ADAMTS13: variants seen among roughly 807,000 people sequenced by gnomAD.
ADAMTS13 encodes the protein ADAM metallopeptidase with thrombospondin type 1 motif 13.
ADAMTS13 carries 110 observed loss-of-function variants against 155.1 expected under a neutral mutation model. That is an observed-to-expected ratio of 0.71 (90% CI 0.61 to 0.83). ADAMTS13 has a LOEUF of 0.83. ADAMTS13 is among the 40% of genes least tolerant of loss of function. The pLI, the probability that ADAMTS13 is intolerant of heterozygous loss-of-function variation, is 0.00. For missense variants in ADAMTS13, 1,707 were observed against 1,891.7 expected, an observed-to-expected ratio of 0.90 and a Z score of 1.81; for synonymous variants, 758 against 756.4, an observed-to-expected ratio of 1.00 and a Z score of -0.03.
At chr9:133,418,133 G>A (rs1554782195), upstream of ADAMTS13, 4 of 460,656 alleles carry the variant, frequency 8.7e-6, no homozygotes, top group Admixed American at 1.2e-4. Flanking sequence ...TTGGGCCGCC[G>A]CCTTAGCCAG....
intron 1 of ADAMTS13, among the ~76,000 whole-genome samples, chr9:133,415,253 C>T (rs1377890112): frequency 1.3e-5 from 2 of 152,146 alleles, no homozygotes; most frequent in Admixed American, 6.5e-5. Context: ...TTTGCACCTG[C>T]TCCTTCATGC....
chr9:133,421,818 C>G (rs1471543116), upstream of ADAMTS13, among the ~76,000 whole-genome samples: 1 of 152,130 alleles, frequency 6.6e-6, no homozygotes, highest in Non-Finnish European at 1.5e-5. Context: ...CCCTGCTGGT[C>G]ATCAGCTTGT....
chr9:133,455,017 C>T (rs1406946357), intron 24 of ADAMTS13, among the ~76,000 whole-genome samples: 6 of 152,118 alleles, frequency 3.9e-5, no homozygotes, highest in Admixed American at 1.3e-4. Flanking sequence ...GCCGCAGCCC[C>T]GCAGACCTGC....
At chr9:133,414,389 C>T (rs188462603) in exon 1 of ADAMTS13, 2 of 647,026 alleles carry the variant, frequency 3.1e-6, no homozygotes, top group South Asian at 3.0e-5. Context: ...AGGCCTCATA[C>T]TTGGGTCTTT....
intron 8 of ADAMTS13, among the ~76,000 whole-genome samples, chr9:133,430,691 TC>T (rs1346687093): frequency 1.4e-5 from 2 of 139,836 alleles, no homozygotes; most frequent in Admixed American, 7.5e-5. Flanking sequence ...TCTTTTTTTT[TC>T]CTATTTTTTT....
intron 1 of ADAMTS13, among the ~76,000 whole-genome samples, chr9:133,415,166 T>C (rs934820066): frequency 6.6e-6 from 1 of 152,230 alleles, no homozygotes; most frequent in Non-Finnish European, 1.5e-5. Context: ...TCAAACGGTT[T>C]GGAAAAAGCT....
intron 24 of ADAMTS13, 96 bp downstream of exon 24, chr9:133,454,715 C>T (rs764896109): frequency 1.5e-4 from 215 of 1,411,436 alleles, no homozygotes; most frequent in Middle Eastern, 2.4e-4. Flanking sequence ...ATTGGCTCAT[C>T]GTGTCCCCTG....
chr9:133,432,157 C>T (rs909661453), intron 8 of ADAMTS13, among the ~76,000 whole-genome samples: 1 of 151,986 alleles, frequency 6.6e-6, no homozygotes, highest in Non-Finnish European at 1.5e-5. Flanking sequence ...CCCAGCTACT[C>T]GGAAGGCTGA....
At position 133,456,913 on chromosome 9, in the gene ADAMTS13, T is replaced by C. The variant is rs1403547664; in HGVS notation, c.3724+194T>C. ...GGGAGGGGTCACAGGATGAATGCTATATCCCTCCTTTTTGGGACCGTGCAG... is the reference window on the plus strand; with the variant it reads ...GGGAGGGGTCACAGGATGAATGCTACATCCCTCCTTTTTGGGACCGTGCAG... On this transcript the variant is annotated intron_variant, in intron 27 of 28. Transcript: ENST00000355699. This position sits in a 1 kb window ranked among gnomAD's most constrained non-coding sequence, Gnocchi z 4.4. 2.7e-6 allele frequency: 2 copies of C among 738,988 alleles called. No individual in the cohort carries two copies. The highest frequency in any genetic ancestry group is 5.4e-5 in the East Asian group (2 of 37,060). 45.8% of individuals were successfully genotyped at this position (738,988 alleles called of 1,614,324 possible).
At chr9:133,420,266 C>T (rs1839902285), upstream of ADAMTS13, among the ~76,000 whole-genome samples, 2 of 152,274 alleles carry the variant, frequency 1.3e-5, no homozygotes, top group African/African-American at 2.4e-5. Context: ...ATCTCGAACT[C>T]CTGACCTCAT....
chr9:133,439,191 T>C (rs1554789976), intron 14 of ADAMTS13, among the ~76,000 whole-genome samples, 175 bp from the exon 15 acceptor site: 1 of 152,180 alleles, frequency 6.6e-6, no homozygotes, highest in Admixed American at 6.5e-5. Context: ...GGCAGAGCCT[T>C]GGCAGGTGGT....
Position 133,428,719 on chromosome 9 carries a change from G to A in ADAMTS13, c.772G>A (p.Ala258Thr). 7.4e-7 allele frequency: 1 copy of A among 1,349,994 alleles called. No individual in the cohort carries two copies. The highest frequency in any genetic ancestry group is 9.5e-7 in the Non-Finnish European group (1 of 1,049,248). The allele number at this position is 1,349,994 out of a possible 1,614,324, so 83.6% of individuals were successfully genotyped here. A position where few individuals can be genotyped will look rare whatever the true frequency, so the allele number is the denominator to read the frequency against. ...GGCTTCGGACGGCGCCGCGCCCCGC[G>A]CCGGCCTCGCCTGGTCCCCCTGCAG... The part of the protein sequence containing the change: ...VMASDGAAPR[A>T]GLAWSPCSRR... The change falls in exon 7 of 29, where the codon GCC (alanine) becomes ACC (threonine). Residue 258 changes from alanine to threonine, a missense_variant. Physicochemically the swap from Ala to Thr is moderately conservative, Grantham distance 58. Around this residue, in one of 3 missense-constraint regions of ADAMTS13, gnomAD observed 733 missense variants for 749.6 expected, o/e 0.98. Coordinates refer to ENST00000355699, the MANE Select transcript of ADAMTS13 (RefSeq NM_139027.6).
intron 9 of ADAMTS13, 151 bp downstream of exon 9, chr9:133,432,843 G>A (rs1399714547): frequency 2.5e-6 from 2 of 798,310 alleles, no homozygotes; most frequent in African/African-American, 1.7e-5. Context: ...TGGGTTGGTG[G>A]TCTGACCTCT....
At chr9:133,458,236 C>T (rs1842859636) in intron 28 of ADAMTS13, 142 bp downstream of exon 28, 11 of 1,019,638 alleles carry the variant, frequency 1.1e-5, no homozygotes, top group Non-Finnish European at 1.6e-5. Context: ...TAGCTTCCTC[C>T]ACATATTCAC....
Position 133,425,982 on chromosome 9 carries a change from C to A in ADAMTS13, c.459C>A (p.Ser153Arg). 2 of 1,613,960 alleles carry A rather than the reference C, an allele frequency of 1.2e-6. No individual in the cohort carries two copies. The highest frequency in any genetic ancestry group is 2.2e-5 in the East Asian group (1 of 44,872). ...ITANLTSSLL[S>R]VCGWSQTINP... ...CCAACCTCACCTCGTCCCTGCTGAG[C>A]GTCTGTGGGTGGAGCCAGACCATCA... The change falls in exon 5 of 29, where the codon AGC becomes AGA. Residue 153 changes from serine (S) to arginine (R), a missense_variant. This residue lies in a region of ADAMTS13 where 733 missense variants were observed against 749.6 expected (regional missense o/e 0.98). Transcript: ENST00000355699. The surrounding 1 kb of genome is among the most constrained non-coding windows in gnomAD (Gnocchi z 4.6).
chr9:133,443,894 C>T (rs587709533), intron 19 of ADAMTS13, among the ~76,000 whole-genome samples: 27 of 152,224 alleles, frequency 1.8e-4, no homozygotes, highest in African/African-American at 6.0e-4. Context: ...CACCATCTCC[C>T]CCGTGCCCAC....
In ADAMTS13 at chr9:133,428,664, C is replaced by T. The variant is rs1554785887; in HGVS notation, c.717C>T (p.Gly239=). The change falls in exon 7 of 29, where the codon GGC becomes GGT. Residue 239 remains glycine, a synonymous_variant. Transcript: ENST00000355699. ...GCCTGGAGCACGACGGCGCGCCCGG[C>T]AGCGGCTGCGGCCCCAGCGGACACG... The part of the protein sequence containing the change: ...SFGLEHDGAP[G]SGCGPSGHVM... The T allele has an allele frequency of 1.3e-5, 18 of 1,357,264 alleles. No homozygotes were observed. Among genetic ancestry groups the T allele is most frequent in the Non-Finnish European group, 1.6e-5 (17 of 1,051,152 alleles). 84.1% of individuals were successfully genotyped at this position (1,357,264 alleles called of 1,614,324 possible).
At chr9:133,442,795 G>A (rs1412899138) in intron 18 of ADAMTS13, 52 bp downstream of exon 18, 3 of 1,566,606 alleles carry the variant, frequency 1.9e-6, no homozygotes, top group African/African-American at 2.7e-5. Context: ...GGTTCCGCTG[G>A]GGCTGCTGGG....
intron 25 of ADAMTS13, 95 bp downstream of exon 25, chr9:133,455,530 G>T: frequency 1.2e-6 from 2 of 1,611,084 alleles, no homozygotes; most frequent in Non-Finnish European, 1.7e-6. Context: ...CCCAGGCCCG[G>T]GGCCTGCTCT....
Sources: allele counts gnomAD v4.1 joint callset (sites outside exome capture counted in the v4.1 genomes callset), GRCh38; gene constraint gnomAD v4.1.1; regional missense constraint gnomAD v4.1.1; non-coding constraint Gnocchi (gnomAD v3.1); transcripts MANE v1.5; gene names NCBI Gene and HGNC (gene_info 2026-07-23, HGNC 2026-07-21).